The following DOCK8 variants were observed in gnomAD, a reference collection of about 807,000 sequenced individuals.
DOCK8 encodes dedicator of cytokinesis 8.
In DOCK8, 141 loss-of-function variants were observed where a neutral mutation model predicts 245.6. The observed-to-expected ratio is 0.57, with a 90% CI of 0.50 to 0.66. The LOEUF (loss-of-function observed/expected upper bound fraction) is 0.66, where lower values mean the gene tolerates loss of function less well. DOCK8 is among the 30% of genes least tolerant of loss of function. DOCK8 has a pLI of 0.00. For missense variants in DOCK8, 2,965 were observed against 2,603.4 expected, an observed-to-expected ratio of 1.14 and a Z score of -3.02; for synonymous variants, 1,168 against 970.2, an observed-to-expected ratio of 1.20 and a Z score of -3.79.
intron 2 of DOCK8, among the ~76,000 whole-genome samples, chr9:273,269 G>T (rs1289322665): frequency 6.6e-6 from 1 of 152,010 alleles, no homozygotes; most frequent in African/African-American, 2.4e-5. Context: ...TTGCTAGACT[G>T]GCCTTTTTAT....
At chr9:381,506 C>A (rs1353204517) in intron 21 of DOCK8, 1 of 152,114 alleles carries the variant, frequency 6.6e-6, no homozygotes, top group Non-Finnish European at 1.5e-5. Flanking sequence ...TAATTATTTA[C>A]ATAAGTAATA....
chr9:424,793 C>T (rs2056420052), intron 33 of DOCK8, among the ~76,000 whole-genome samples: 1 of 152,170 alleles, frequency 6.6e-6, no homozygotes, highest in South Asian at 2.1e-4. Context: ...GAACTGTATA[C>T]TTACAAATGG....
chr9:367,646 A>C (rs988797259), intron 14 of DOCK8, among the ~76,000 whole-genome samples: 1 of 152,248 alleles, frequency 6.6e-6, no homozygotes, highest in African/African-American at 2.4e-5. Flanking sequence ...AAGAATGACA[A>C]GTAGGCCATT....
chr9:334,185 T>C, intron 10 of DOCK8, 40 bp from the exon 11 acceptor site: 1 of 1,613,364 alleles, frequency 6.2e-7, no homozygotes, highest in Non-Finnish European at 8.5e-7. Context: ...GACTTGGTGC[T>C]GATGCTTGTT....
At chr9:338,948 G>C in intron 12 of DOCK8, 58 bp from the exon 13 acceptor site, 1 of 1,461,188 alleles carries the variant, frequency 6.8e-7, no homozygotes. Flanking sequence ...GAAATCGTTT[G>C]TCCCCAACCC....
intron 40 of DOCK8, among the ~76,000 whole-genome samples, chr9:440,284 T>C (rs1329136156): frequency 6.6e-6 from 1 of 152,206 alleles, no homozygotes; most frequent in African/African-American, 2.4e-5. Context: ...CCTCCCAAAG[T>C]GCTGGAACTA....
At chr9:272,561 C>CT (rs1351268172) in intron 2 of DOCK8, among the ~76,000 whole-genome samples, 1 of 152,044 alleles carries the variant, frequency 6.6e-6, no homozygotes, top group East Asian at 1.9e-4. Context: ...AATTTTTGTA[C>CT]TTTTTGTAGA....
chr9:371,377 A>C, intron 16 of DOCK8, 51 bp from the exon 17 acceptor site: 1 of 1,609,858 alleles, frequency 6.2e-7, no homozygotes, highest in South Asian at 1.1e-5. Flanking sequence ...CAATCAGAGA[A>C]GTCATCATTC....
intron 2 of DOCK8, among the ~76,000 whole-genome samples, chr9:285,066 C>G (rs1325759865): frequency 6.6e-6 from 1 of 152,034 alleles, no homozygotes; most frequent in Non-Finnish European, 1.5e-5. Flanking sequence ...ATGTAACAAA[C>G]CTTCACATGT....
At chr9:304,926 G>A (rs567641189) in intron 5 of DOCK8, among the ~76,000 whole-genome samples, 2 of 132,230 alleles carry the variant, frequency 1.5e-5, no homozygotes, top group East Asian at 2.9e-4. Flanking sequence ...ATAGAAAAAA[G>A]TGGAAAAGCT....
chr9:364,016 T>C (rs1264672382), intron 14 of DOCK8, among the ~76,000 whole-genome samples: 3 of 152,208 alleles, frequency 2.0e-5, no homozygotes, highest in East Asian at 3.8e-4. Flanking sequence ...TCAAGAAAGA[T>C]TGATAGGCGC....
intron 19 of DOCK8, 61 bp downstream of exon 19, chr9:376,366 A>G: frequency 8.6e-7 from 1 of 1,161,444 alleles, no homozygotes; most frequent in Non-Finnish European, 1.3e-6. Flanking sequence ...TTTGAAGGAC[A>G]GGCCAATAAA....
Position 312,125 on chromosome 9 carries a change from A to C in DOCK8, c.700A>C (p.Arg234=). The C allele has an allele frequency of 1.2e-6, 2 of 1,614,214 alleles. No homozygotes were observed. Among genetic ancestry groups the C allele is most frequent in the Non-Finnish European group, 1.7e-6 (2 of 1,180,024 alleles). Reference sequence around the variant, plus strand: ...GAACGAGGAGGCCCGGAGGACCAATAGGCAGGCCGAGCTCTTTGCCCTTTA... The same window carrying C: ...GAACGAGGAGGCCCGGAGGACCAATCGGCAGGCCGAGCTCTTTGCCCTTTA... The part of the protein sequence containing the change: ...KQNEEARRTN[R]QAELFALYPS... Residue 234 remains arginine, a synonymous_variant, in exon 6 of 48, where the codon AGG becomes CGG. Coordinates refer to ENST00000432829, the MANE Select transcript of DOCK8 (RefSeq NM_203447.4).
chr9:352,842 T>C (rs1023370276), intron 14 of DOCK8, among the ~76,000 whole-genome samples: 1 of 152,116 alleles, frequency 6.6e-6, no homozygotes, highest in Admixed American at 6.5e-5. Context: ...CATCCCCTTG[T>C]GGACTTGTCA....
At chr9:307,385 G>C (rs1170036809) in intron 5 of DOCK8, among the ~76,000 whole-genome samples, 1 of 84,924 alleles carries the variant, frequency 1.2e-5, no homozygotes, top group Non-Finnish European at 2.1e-5. Context: ...TTGAGATGGA[G>C]TTTTGCTCTT....
intron 1 of DOCK8, among the ~76,000 whole-genome samples, chr9:227,221 CA>C (rs2047010221): frequency 6.6e-6 from 1 of 152,134 alleles, no homozygotes; most frequent in African/African-American, 2.4e-5. Context: ...CCATCCTGGT[CA>C]AATGGGATAA....
At chr9:370,881 T>C (rs186368452) in intron 16 of DOCK8, among the ~76,000 whole-genome samples, 4 of 152,328 alleles carry the variant, frequency 2.6e-5, no homozygotes, top group Admixed American at 2.6e-4. Flanking sequence ...TTAAGCACAT[T>C]CTGGGATTGG....
chr9:224,028 C>A (rs550932067), intron 1 of DOCK8, among the ~76,000 whole-genome samples: 1 of 152,058 alleles, frequency 6.6e-6, no homozygotes, highest in Non-Finnish European at 1.5e-5. Context: ...CGTGAAATAA[C>A]GGAGCTGATT....
rs536640171 is a variant in DOCK8 at position 244,296 on chromosome 9, A to G, written c.54-27331A>G. On this transcript the variant is annotated intron_variant, in intron 1 of 47. Transcript: ENST00000432829. ...CCCCACCACACACACACACACACGC[A>G]CACACATATATACTGAAACGAAACC... Among the ~76,000 whole-genome samples the G allele has an allele frequency of 1.3e-3, 201 of 152,028 alleles. 1 individual carries two copies. The highest frequency in any genetic ancestry group is 9.7e-3 in the Admixed American group (148 of 15,258).
Sources: gnomAD v4.1 joint callset for allele counts (sites outside exome capture counted in the v4.1 genomes callset) on GRCh38, gnomAD v4.1.1 for gene constraint, MANE v1.5 for transcripts, NCBI Gene and HGNC (gene_info 2026-07-23, HGNC 2026-07-21) for gene names.